The following PTPRD variants were observed in gnomAD, a reference collection of about 807,000 sequenced individuals.
PTPRD encodes the protein protein tyrosine phosphatase receptor type D.
Under a neutral mutation model 214.5 loss-of-function variants are expected in PTPRD, and 34 were observed. The ratio of observed to expected loss-of-function variants is 0.16; its 90% confidence interval spans 0.12 to 0.21. PTPRD has a LOEUF of 0.21. PTPRD is among the 10% of genes least tolerant of loss of function. The pLI is 1.00. For synonymous variants in PTPRD, 1,128 were observed against 845.7 expected (o/e 1.33, Z -5.79); for missense variants, 2,545 against 2,398.7 (o/e 1.06, Z -1.27).
chr9:9,892,374 T>C (rs531120144), intron 5 of PTPRD, among the ~76,000 whole-genome samples: 39 of 152,164 alleles, frequency 2.6e-4, no homozygotes, highest in South Asian at 2.3e-3. Flanking sequence ...GAAGTGTTGA[T>C]TGACAAAAAT....
chr9:10,386,568 G>C (rs1287370278), intron 2 of PTPRD, among the ~76,000 whole-genome samples: 1 of 151,724 alleles, frequency 6.6e-6, no homozygotes, highest in Non-Finnish European at 1.5e-5. Flanking sequence ...TCTGTCTCTG[G>C]TTGAACCTGA....
intron 9 of PTPRD, among the ~76,000 whole-genome samples, chr9:9,184,423 C>T (rs1360026117): frequency 5.3e-5 from 8 of 151,860 alleles, no homozygotes; most frequent in Non-Finnish European, 8.8e-5. Flanking sequence ...TCCCTAAGGA[C>T]CTAAAGGAGG....
intron 11 of PTPRD, among the ~76,000 whole-genome samples, chr9:8,929,812 T>A (rs1408809336): frequency 1.0e-5 from 1 of 96,622 alleles, no homozygotes; most frequent in Non-Finnish European, 2.3e-5. Context: ...TATATGTGTA[T>A]ATATATGTGT....
rs1425469494 is a variant in PTPRD, at chr9:9,936,477, C to G, written c.-368+2030G>C. 2.0e-5 allele frequency among the ~76,000 whole-genome samples: 3 copies of G among 150,032 alleles called. No homozygotes were observed. In the South Asian group the frequency reaches 6.3e-4, roughly 32 times the overall value. ...CAGCCAAAAAACACATGAAAAAATGCTCACCATCACTGGCCATCAGAGAAA... is the reference window on the plus strand; with the variant it reads ...CAGCCAAAAAACACATGAAAAAATGGTCACCATCACTGGCCATCAGAGAAA... On this transcript the variant is annotated intron_variant, in intron 5 of 45. Coordinates refer to ENST00000381196, the MANE Select transcript of PTPRD (RefSeq NM_002839.4).
At chr9:9,717,888 A>C (rs889617765) in intron 7 of PTPRD, among the ~76,000 whole-genome samples, 2 of 151,164 alleles carry the variant, frequency 1.3e-5, no homozygotes, top group African/African-American at 4.9e-5. Context: ...TTATTATAGG[A>C]ATCAAAAAAT....
chr9:9,889,956 A>T (rs2072650601), intron 5 of PTPRD, among the ~76,000 whole-genome samples: 1 of 151,990 alleles, frequency 6.6e-6, no homozygotes, highest in East Asian at 1.9e-4. Context: ...AATTATCAGC[A>T]ATCTGGCTAG....
intron 44 of PTPRD, among the ~76,000 whole-genome samples, chr9:8,321,189 A>G (rs1587356167): frequency 6.6e-6 from 1 of 151,940 alleles, no homozygotes; most frequent in East Asian, 1.9e-4. Flanking sequence ...CTTAGTTGTG[A>G]GAAACTGAGA....
chr9:9,086,641 T>C (rs950007305), intron 10 of PTPRD, among the ~76,000 whole-genome samples: 2 of 152,190 alleles, frequency 1.3e-5, no homozygotes, highest in Admixed American at 1.3e-4. Context: ...CTAGGAAATA[T>C]AGGTGGCTGA....
intron 10 of PTPRD, among the ~76,000 whole-genome samples, chr9:9,060,692 T>A (rs929563213): frequency 5.3e-5 from 8 of 151,990 alleles, no homozygotes; most frequent in African/African-American, 1.9e-4. Context: ...GATATTTGAC[T>A]AGGTATTTAA....
At chr9:9,892,261 G>T (rs758552281) in intron 5 of PTPRD, among the ~76,000 whole-genome samples, 8 of 152,076 alleles carry the variant, frequency 5.3e-5, no homozygotes, top group Non-Finnish European at 7.4e-5. Context: ...AAAATAGCCA[G>T]ATAAGGCCTT....
intron 11 of PTPRD, among the ~76,000 whole-genome samples, chr9:8,818,923 G>C (rs2096980872): frequency 6.6e-6 from 1 of 152,146 alleles, no homozygotes; most frequent in South Asian, 2.1e-4. Context: ...GTAACATTTG[G>C]AAGAATAGAG....
chr9:10,560,481 C>A (rs150339351), intron 2 of PTPRD, among the ~76,000 whole-genome samples: 3 of 151,894 alleles, frequency 2.0e-5, no homozygotes. Context: ...GTGGGTGCAG[C>A]GCACCAGCAT....
chr9:10,596,183 T>G (rs758073199), intron 2 of PTPRD, among the ~76,000 whole-genome samples: 3 of 151,786 alleles, frequency 2.0e-5, no homozygotes, highest in Non-Finnish European at 4.4e-5. Flanking sequence ...TGTCTCACGT[T>G]CAGTAATCCA....
intron 2 of PTPRD, among the ~76,000 whole-genome samples, chr9:10,505,019 C>A (rs1262665766): frequency 6.6e-6 from 1 of 152,176 alleles, no homozygotes; most frequent in Non-Finnish European, 1.5e-5. Flanking sequence ...CCATGCCAAT[C>A]TTAATGCAAG....
At chr9:9,822,764 AT>A (rs1421770627) in intron 5 of PTPRD, among the ~76,000 whole-genome samples, 1 of 151,998 alleles carries the variant, frequency 6.6e-6, no homozygotes, top group East Asian at 1.9e-4. Context: ...AAAATATGCA[AT>A]TTTTTGAGTG....
rs1334290420 is a variant in PTPRD at position 8,964,190 on chromosome 9, G to GTTTTTTTTTTT, written c.-104+54506_-104+54507insAAAAAAAAAAA. Among the ~76,000 whole-genome samples, 23 of 52,950 alleles carry GTTTTTTTTTTT rather than the reference G, an allele frequency of 4.3e-4. 6 individuals carry two copies. Among genetic ancestry groups the GTTTTTTTTTTT allele is most frequent in the East Asian group, 2.1e-3 (2 of 966 alleles). The allele number at this position is 52,950 out of a possible 152,430, so 34.7% of individuals were successfully genotyped here. A position where few individuals can be genotyped will look rare whatever the true frequency, so the allele number is the denominator to read the frequency against. On this transcript the variant is annotated intron_variant, in intron 11 of 45. Transcript: ENST00000381196. The stretch of plus-strand genomic sequence containing the variant: ...CTGTGAATCTATCTAGTTCAGGGCT[G>GTTTTTTTTTTT]TGTTTTTTTTTTTTTTTTTTTTTTT...
chr9:10,550,433 G>A (rs541634885), intron 2 of PTPRD, among the ~76,000 whole-genome samples: 6 of 152,184 alleles, frequency 3.9e-5, no homozygotes, highest in Non-Finnish European at 8.8e-5. Context: ...GGAAACAGAA[G>A]TGAGGGAGTA....
chr9:10,154,135 T>C (rs1482931473), intron 3 of PTPRD, among the ~76,000 whole-genome samples: 1 of 152,170 alleles, frequency 6.6e-6, no homozygotes, highest in African/African-American at 2.4e-5. Flanking sequence ...CTAGCATCTG[T>C]AATTTTTTGA....
intron 34 of PTPRD, among the ~76,000 whole-genome samples, chr9:8,441,317 G>T (rs1400579398): frequency 2.0e-5 from 3 of 152,020 alleles, no homozygotes; most frequent in Non-Finnish European, 4.4e-5. Context: ...TACACATTGG[G>T]GGGCTTCTGA....
Sources: allele counts gnomAD v4.1 joint callset (sites outside exome capture counted in the v4.1 genomes callset), GRCh38; gene constraint gnomAD v4.1.1; transcripts MANE v1.5; gene names NCBI Gene and HGNC (gene_info 2026-07-23, HGNC 2026-07-21).